Variants in CCDC178 observed in about 807,000 individuals in gnomAD.
CCDC178 encodes the protein coiled-coil domain containing 178.
Under a neutral mutation model 117.4 loss-of-function variants are expected in CCDC178, and 126 were observed. The ratio of observed to expected loss-of-function variants is 1.07; its 90% CI spans 0.93 to 1.24. The LOEUF is 1.24. CCDC178 is among the 50% of genes most tolerant of loss of function. The pLI is 0.00. For synonymous variants in CCDC178, 283 were observed against 313.4 expected, an observed-to-expected ratio of 0.90 and a Z score of 1.02; for missense variants, 1,030 against 986.9, an observed-to-expected ratio of 1.04 and a Z score of -0.59.
At chr18:33,258,395 G>A (rs67480513) in intron 14 of CCDC178, among the ~76,000 whole-genome samples, 6 of 152,068 alleles carry the variant, frequency 3.9e-5, no homozygotes, top group Admixed American at 2.0e-4. Flanking sequence ...TTCCTCAGAC[G>A]TGCTTGACTG....
intron 11 of CCDC178, among the ~76,000 whole-genome samples, chr18:33,300,145 G>A (rs983672058): frequency 6.6e-5 from 10 of 151,928 alleles, no homozygotes; most frequent in East Asian, 3.9e-4. Context: ...TCTCTCTTTC[G>A]CTCCCACTCT....
chr18:33,320,801 A>G (rs2062497873), intron 11 of CCDC178, among the ~76,000 whole-genome samples: 2 of 152,212 alleles, frequency 1.3e-5, no homozygotes, highest in South Asian at 4.1e-4. Flanking sequence ...AAGCCAAAAG[A>G]ACAAAGCTGG....
At chr18:33,145,767 C>A (rs1291294086) in intron 20 of CCDC178, among the ~76,000 whole-genome samples, 1 of 152,178 alleles carries the variant, frequency 6.6e-6, no homozygotes, top group East Asian at 1.9e-4. Context: ...TGAAGGGCAT[C>A]AGTTGTGATG....
At chr18:32,993,140 T>C (rs753933513) in intron 21 of CCDC178, among the ~76,000 whole-genome samples, 19 of 152,030 alleles carry the variant, frequency 1.2e-4, no homozygotes, top group Non-Finnish European at 2.4e-4. Flanking sequence ...CACTCCAGCC[T>C]GGGCAACAGA....
chr18:33,261,234 C>T (rs2059746139), intron 14 of CCDC178, among the ~76,000 whole-genome samples: 1 of 152,186 alleles, frequency 6.6e-6, no homozygotes, highest in Admixed American at 6.5e-5. Context: ...CAGGCGCCCG[C>T]CACCACGCCC....
At chr18:33,133,582 A>AT (rs1298538253) in intron 20 of CCDC178, among the ~76,000 whole-genome samples, 2 of 151,790 alleles carry the variant, frequency 1.3e-5, no homozygotes, top group Non-Finnish European at 2.9e-5. Context: ...TGTTTTACAA[A>AT]TTTTTTTATA....
intron 5 of CCDC178, among the ~76,000 whole-genome samples, chr18:33,387,237 G>T (rs1205210168): frequency 1.3e-5 from 2 of 152,182 alleles, no homozygotes; most frequent in African/African-American, 4.8e-5. Context: ...AATGTATCAT[G>T]CTCATGGATA....
chr18:33,095,581 T>C (rs887654245), intron 20 of CCDC178, among the ~76,000 whole-genome samples: 23 of 152,044 alleles, frequency 1.5e-4, no homozygotes, highest in African/African-American at 5.5e-4. Flanking sequence ...CATAAGCAGG[T>C]GCACACGTTT....
chr18:33,028,404 A>G (rs565673402), intron 21 of CCDC178, among the ~76,000 whole-genome samples: 1 of 151,902 alleles, frequency 6.6e-6, no homozygotes, highest in South Asian at 2.1e-4. Flanking sequence ...TAAGTAATTC[A>G]ATTTTATCTA....
intron 10 of CCDC178, among the ~76,000 whole-genome samples, chr18:33,332,015 A>T (rs919667972): frequency 6.6e-6 from 1 of 152,242 alleles, no homozygotes; most frequent in Admixed American, 6.5e-5. Flanking sequence ...AAGTAATTAC[A>T]TTGTGAAATA....
At chr18:32,994,657 A>T (rs1011994268) in intron 21 of CCDC178, among the ~76,000 whole-genome samples, 5 of 152,324 alleles carry the variant, frequency 3.3e-5, no homozygotes, top group African/African-American at 1.2e-4. Context: ...ATAATCACCA[A>T]GTTTATTGCT....
chr18:33,046,095 AAGATAGT>A (rs1184764471), intron 21 of CCDC178, among the ~76,000 whole-genome samples: 1 of 152,162 alleles, frequency 6.6e-6, no homozygotes, highest in Admixed American at 6.6e-5. Context: ...AATATTTAGT[AAGATAGT>A]AGATGATGTT....
chr18:33,266,063 T>C (rs191925829), intron 14 of CCDC178, among the ~76,000 whole-genome samples: 154 of 152,146 alleles, frequency 1.0e-3, no homozygotes, highest in South Asian at 2.3e-3. Context: ...AAGGAGATCA[T>C]GAGCTTGATA....
intron 21 of CCDC178, among the ~76,000 whole-genome samples, chr18:32,997,923 G>A (rs2055550535): frequency 1.3e-5 from 2 of 152,182 alleles, no homozygotes. Flanking sequence ...AGAGCAAGAT[G>A]TCCTAATAGA....
intron 20 of CCDC178, among the ~76,000 whole-genome samples, chr18:33,120,207 A>T (rs909527090): frequency 1.3e-5 from 2 of 151,990 alleles, no homozygotes; most frequent in Admixed American, 1.3e-4. Flanking sequence ...AAAAAAAAAG[A>T]AACTTCTACC....
In CCDC178 at chr18:33,089,608, A is replaced by T. The variant is rs533482638; in HGVS notation, c.2388+3153T>A. Among the ~76,000 whole-genome samples, 318 of 152,286 alleles carry T rather than the reference A, an allele frequency of 2.1e-3. 1 individual carries two copies. Among genetic ancestry groups the T allele is most frequent in the African/African-American group, 7.3e-3 (302 of 41,568 alleles). ...TTACAAATGGCTAATTATATAATTT[A>T]AAAAATATATTTTAACACATTTTGG... On this transcript the variant is annotated intron_variant, in intron 21 of 22. Transcript: ENST00000383096.
At chr18:33,404,289 G>T (rs1039161353) in intron 3 of CCDC178, among the ~76,000 whole-genome samples, 1 of 151,966 alleles carries the variant, frequency 6.6e-6, no homozygotes, top group Admixed American at 6.6e-5. Context: ...TGTGAATGTG[G>T]GTTAGGAGAT....
intron 14 of CCDC178, among the ~76,000 whole-genome samples, chr18:33,265,028 T>C (rs892079730): frequency 6.6e-6 from 1 of 152,114 alleles, no homozygotes; most frequent in African/African-American, 2.4e-5. Context: ...GCTCCTCTGG[T>C]TCTTTTTCTT....
chr18:33,150,274 C>CA (rs1462947271), intron 20 of CCDC178, among the ~76,000 whole-genome samples: 2 of 152,056 alleles, frequency 1.3e-5, no homozygotes, highest in Non-Finnish European at 2.9e-5. Flanking sequence ...GACTTAAAAC[C>CA]ATACAAATTC....
Sources: allele counts gnomAD v4.1 joint callset (sites outside exome capture counted in the v4.1 genomes callset), GRCh38; gene constraint gnomAD v4.1.1; transcripts MANE v1.5; gene names NCBI Gene and HGNC (gene_info 2026-07-23, HGNC 2026-07-21).